NCAM2: variants seen among roughly 807,000 people sequenced by gnomAD.
NCAM2 encodes the protein N-CAM-2.
A neutral mutation model predicts 98.1 loss-of-function variants in NCAM2; 30 were observed. The ratio of observed to expected loss-of-function variants is 0.31; its 90% confidence interval spans 0.23 to 0.41. The LOEUF is 0.41. Among genes scored for constraint, NCAM2 ranks in the 10% least tolerant of loss-of-function variants. The pLI is 1.00. For missense variants in NCAM2, 867 were observed against 1,005.8 expected (o/e 0.86, Z 1.87); for synonymous variants, 368 against 342.4 (o/e 1.07, Z -0.83).
In NCAM2 at chr21:21,349,969, G is replaced by T. The variant is rs2075291079; in HGVS notation, c.1044+11435G>T. Among the ~76,000 whole-genome samples the T allele has an allele frequency of 1.3e-5, 2 of 152,034 alleles. 1 individual carries two copies. Among genetic ancestry groups the T allele is most frequent in the South Asian group, 4.1e-4 (2 of 4,820 alleles). ...TGGTAAGGATGGTTAATTGGTAAAA[G>T]AAATAGAAAGAATGAATAAGACCTA... On this transcript the variant is annotated intron_variant, in intron 8 of 17. Coordinates refer to ENST00000400546, the MANE Select transcript of NCAM2 (RefSeq NM_004540.5).
chr21:21,338,229 C>G (rs964511385), intron 7 of NCAM2, among the ~76,000 whole-genome samples, 160 bp from the exon 8 acceptor site: 3 of 152,062 alleles, frequency 2.0e-5, no homozygotes, highest in African/African-American at 4.8e-5. Context: ...TGCTATTCAA[C>G]TGTCCTGGTA....
chr21:21,524,055 C>T (rs934588855), intron 16 of NCAM2, among the ~76,000 whole-genome samples: 3 of 151,032 alleles, frequency 2.0e-5, no homozygotes, highest in African/African-American at 4.9e-5. Context: ...CACACACACA[C>T]ACACAATAAG....
chr21:21,471,217 T>C (rs138440976), intron 14 of NCAM2, among the ~76,000 whole-genome samples: 76 of 152,188 alleles, frequency 5.0e-4, no homozygotes, highest in African/African-American at 1.4e-3. Flanking sequence ...TATCACTTGA[T>C]AGTATGCCTT....
chr21:21,275,870 G>A (rs955572685), intron 1 of NCAM2, among the ~76,000 whole-genome samples: 1 of 152,038 alleles, frequency 6.6e-6, no homozygotes, highest in African/African-American at 2.4e-5. Context: ...TATCATGTAT[G>A]TTTTTATTTA....
At chr21:21,051,612 C>T (rs1295561274) in intron 1 of NCAM2, among the ~76,000 whole-genome samples, 1 of 152,210 alleles carries the variant, frequency 6.6e-6, no homozygotes, top group Non-Finnish European at 1.5e-5. Context: ...TTTGACTTAG[C>T]ATTACAGCTT....
chr21:21,163,746 TA>T (rs1320975015), intron 1 of NCAM2, among the ~76,000 whole-genome samples: 4 of 152,298 alleles, frequency 2.6e-5, no homozygotes, highest in East Asian at 1.9e-4. Flanking sequence ...ACTAAAATGT[TA>T]AAAGAGAAAT....
chr21:21,379,279 C>T (rs1001795101), intron 9 of NCAM2, among the ~76,000 whole-genome samples: 5 of 151,910 alleles, frequency 3.3e-5, no homozygotes, highest in African/African-American at 1.2e-4. Context: ...CTGGCTTTAT[C>T]TTCATTATTT....
At chr21:21,534,282 A>G (rs887901089) in intron 16 of NCAM2, among the ~76,000 whole-genome samples, 3 of 152,066 alleles carry the variant, frequency 2.0e-5, no homozygotes, top group African/African-American at 4.8e-5. Context: ...ATGTGTACCA[A>G]TTTTGCAAAA....
At chr21:21,438,276 G>A (rs1978690609) in intron 12 of NCAM2, among the ~76,000 whole-genome samples, 1 of 151,842 alleles carries the variant, frequency 6.6e-6, no homozygotes, top group African/African-American at 2.4e-5. Flanking sequence ...GCTCTTGGTG[G>A]ACTGCAATGC....
At chr21:21,058,740 G>A (rs931345922) in intron 1 of NCAM2, among the ~76,000 whole-genome samples, 11 of 148,626 alleles carry the variant, frequency 7.4e-5, no homozygotes, top group Admixed American at 2.0e-4. Context: ...ATGTTATTTT[G>A]CATACATTTC....
intron 8 of NCAM2, among the ~76,000 whole-genome samples, chr21:21,364,579 G>A (rs904547833): frequency 6.6e-6 from 1 of 151,802 alleles, no homozygotes; most frequent in Admixed American, 6.6e-5. Context: ...AAAAGAAAAT[G>A]TATGTGTAGC....
intron 1 of NCAM2, among the ~76,000 whole-genome samples, chr21:21,061,780 GT>G (rs2065328776): frequency 6.6e-6 from 1 of 151,912 alleles, no homozygotes; most frequent in Non-Finnish European, 1.5e-5. Flanking sequence ...GGCTTTTACT[GT>G]TATTTTACTT....
chr21:21,500,713 C>T (rs926962318), intron 15 of NCAM2, among the ~76,000 whole-genome samples: 1 of 151,990 alleles, frequency 6.6e-6, no homozygotes, highest in East Asian at 1.9e-4. Context: ...TGAGAGAAGT[C>T]TATCAAAGTC....
At chr21:21,417,793 C>G (rs1296838572) in intron 10 of NCAM2, among the ~76,000 whole-genome samples, 1 of 151,960 alleles carries the variant, frequency 6.6e-6, no homozygotes, top group Non-Finnish European at 1.5e-5. Flanking sequence ...GAAATGGAAG[C>G]AAGATACTGT....
At chr21:21,132,610 T>C (rs2066959521) in intron 1 of NCAM2, among the ~76,000 whole-genome samples, 1 of 152,188 alleles carries the variant, frequency 6.6e-6, no homozygotes, top group African/African-American at 2.4e-5. Context: ...CACATTAAAA[T>C]AACTTATTAC....
chr21:21,495,227 T>C (rs572262681), intron 15 of NCAM2, among the ~76,000 whole-genome samples: 21 of 152,026 alleles, frequency 1.4e-4, no homozygotes, highest in Non-Finnish European at 2.5e-4. Context: ...TTTTATCTTA[T>C]TTAGTTTCTA....
intron 1 of NCAM2, among the ~76,000 whole-genome samples, chr21:21,270,340 A>T (rs2072445021): frequency 6.6e-6 from 1 of 152,146 alleles, no homozygotes. Context: ...CCACATAAGC[A>T]CAGATTGGTT....
chr21:21,216,190 G>A, intron 1 of NCAM2, among the ~76,000 whole-genome samples: 1 of 152,116 alleles, frequency 6.6e-6, no homozygotes, highest in Non-Finnish European at 1.5e-5. Flanking sequence ...GAAAATATCA[G>A]ATAGTCAAAA....
chr21:21,132,163 A>G (rs1022525887), intron 1 of NCAM2, among the ~76,000 whole-genome samples: 2 of 151,942 alleles, frequency 1.3e-5, no homozygotes, highest in Non-Finnish European at 2.9e-5. Context: ...GCATCTTTAA[A>G]TTCATCTCCC....
Sources: allele counts gnomAD v4.1 joint callset (sites outside exome capture counted in the v4.1 genomes callset), GRCh38; gene constraint gnomAD v4.1.1; transcripts MANE v1.5; gene names NCBI Gene and HGNC (gene_info 2026-07-23, HGNC 2026-07-21).